Variants in MEIS2 observed in about 807,000 individuals in gnomAD.
MEIS2 encodes the protein Meis homeobox 2.
Under a neutral mutation model 58.6 loss-of-function variants are expected in MEIS2, and 9 were observed. That is an observed-to-expected ratio of 0.15 (90% CI 0.09 to 0.27). The LOEUF is 0.27. Among genes scored for constraint, MEIS2 ranks in the 10% least tolerant of loss-of-function variants. The probability of loss-of-function intolerance (pLI) is 1.00; values close to 1 mark genes in which losing one functional copy is unlikely to be tolerated. For missense variants in MEIS2, 427 were observed against 635.0 expected (o/e 0.67, Z 3.52); for synonymous variants, 221 against 228.4 (o/e 0.97, Z 0.29).
At chr15:37,070,469 T>C (rs145577251) in intron 7 of MEIS2, among the ~76,000 whole-genome samples, 321 of 152,174 alleles carry the variant, frequency 2.1e-3, no homozygotes, top group Non-Finnish European at 3.6e-3. Context: ...GTTAAATGAG[T>C]CTGGAAAGCT....
intron 8 of MEIS2, among the ~76,000 whole-genome samples, chr15:36,954,437 A>T: frequency 6.7e-6 from 1 of 148,198 alleles, no homozygotes; most frequent in African/African-American, 2.4e-5. Flanking sequence ...TATCAATTTT[A>T]AAATTATAAT....
chr15:36,987,905 C>T (rs1357983439), intron 8 of MEIS2, among the ~76,000 whole-genome samples: 1 of 151,946 alleles, frequency 6.6e-6, no homozygotes, highest in Non-Finnish European at 1.5e-5. Flanking sequence ...CAGATCTATA[C>T]AAAATTTTGG....
At chr15:37,094,030 C>T in intron 5 of MEIS2, 1 of 365,584 alleles carries the variant, frequency 2.7e-6, no homozygotes, top group Non-Finnish European at 5.0e-6. Flanking sequence ...GGAATTAAAT[C>T]TGATTTGATA....
rs529993586 is a variant in MEIS2, at chr15:37,100,362, G to C, written c.-896C>G. ...AGTGAGTGTCAGTAGGTGTTGGCAG[G>C]TTGGCTGCTGCCTGGCTTATTGAAG... On this transcript the variant is annotated 5_prime_UTR_variant, in exon 1 of 12. Coordinates refer to ENST00000561208, the MANE Select transcript of MEIS2 (RefSeq NM_170675.5). 2.6e-3 allele frequency: 391 copies of C among 152,714 alleles called. No individual in the cohort carries two copies. Among genetic ancestry groups the C allele is most frequent in the Non-Finnish European group, 4.2e-3 (283 of 68,158 alleles). 9.5% of individuals were successfully genotyped at this position (152,714 alleles called of 1,614,324 possible). A position where few individuals can be genotyped will look rare whatever the true frequency, so the allele number is the denominator to read the frequency against.
At chr15:37,003,340 A>AAAC (rs35132063) in intron 8 of MEIS2, among the ~76,000 whole-genome samples, 59,789 of 151,302 alleles carry the variant, frequency 0.4, 12,857 homozygotes, top group South Asian at 0.59. Flanking sequence ...CTTCCAGGGT[A>AAAC]AACAACAACA....
chr15:37,093,312 C>T (rs778334855), intron 6 of MEIS2, among the ~76,000 whole-genome samples: 2 of 152,136 alleles, frequency 1.3e-5, no homozygotes, highest in Non-Finnish European at 2.9e-5. Flanking sequence ...ACCCAAGTCA[C>T]CAAATCCAGA....
At chr15:37,071,852 T>A (rs1037262630) in intron 7 of MEIS2, among the ~76,000 whole-genome samples, 1 of 152,064 alleles carries the variant, frequency 6.6e-6, no homozygotes, top group South Asian at 2.1e-4. Flanking sequence ...TCACCCAACA[T>A]GCATCAAGCG....
intron 9 of MEIS2, among the ~76,000 whole-genome samples, chr15:36,910,878 C>T (rs2056980913): frequency 6.6e-6 from 1 of 152,048 alleles, no homozygotes; most frequent in Non-Finnish European, 1.5e-5. Context: ...AACCCTGTCT[C>T]TACTAAAAAT....
rs190753944 is a variant in MEIS2 at position 36,964,850 on chromosome 15, A to T, written c.901-14450T>A. On this transcript the variant is annotated intron_variant, in intron 8 of 11. Transcript: ENST00000561208. ...GGAGCTCTGGGAAATTTTTTGGAAA[A>T]TACTGGCAGAAATAGGTTGGAAGGA... Among the ~76,000 whole-genome samples the T allele has an allele frequency of 3.9e-5, 6 of 152,308 alleles. No individual in the cohort carries two copies. In the East Asian group the frequency reaches 1.2e-3, roughly 29 times the overall value.
chr15:37,056,398 A>T (rs1032670394), intron 7 of MEIS2, among the ~76,000 whole-genome samples: 3 of 152,240 alleles, frequency 2.0e-5, no homozygotes, highest in Non-Finnish European at 4.4e-5. Flanking sequence ...CAAAATGAGC[A>T]TAATTTAAGA....
chr15:37,085,248 T>A (rs1358165130), intron 6 of MEIS2, among the ~76,000 whole-genome samples: 2 of 151,972 alleles, frequency 1.3e-5, no homozygotes, highest in African/African-American at 4.8e-5. Context: ...AAATAAGAAT[T>A]CAGACAGAGC....
At chr15:37,095,377 G>A (rs1306050135) in intron 4 of MEIS2, among the ~76,000 whole-genome samples, 187 bp downstream of exon 4, 2 of 152,154 alleles carry the variant, frequency 1.3e-5, no homozygotes, top group Non-Finnish European at 2.9e-5. Context: ...GCTCCCCACC[G>A]CGTTCATCCT....
At position 36,892,435 on chromosome 15, in the gene MEIS2, T is replaced by C. The variant is rs1339277809; in HGVS notation, c.1172A>G (p.Tyr391Cys). The change falls in exon 12 of 12, where the codon TAC (tyrosine) becomes TGC (cysteine). Residue 391 changes from tyrosine (Y) to cysteine (C), a missense_variant. Tyr to Cys is a radical substitution (Grantham distance 194). Coordinates refer to ENST00000561208, the MANE Select transcript of MEIS2 (RefSeq NM_170675.5). ...TCCCATAGGACCACCCTGAGAAACGTAGTCCCCTGGCATGCTCTGCAAACC... is the reference window on the plus strand; with the variant it reads ...TCCCATAGGACCACCCTGAGAAACGCAGTCCCCTGGCATGCTCTGCAAACC... ...PAGLQSMPGDYVSQGGPMGMS... is the reference protein window; with the variant it reads ...PAGLQSMPGDCVSQGGPMGMS... 1.2e-6 allele frequency: 2 copies of C among 1,612,602 alleles called. No individual in the cohort carries two copies. Among genetic ancestry groups the C allele is most frequent in the African/African-American group, 1.3e-5 (1 of 74,364 alleles).
chr15:36,914,632 G>A (rs1178832881), intron 9 of MEIS2, among the ~76,000 whole-genome samples: 4 of 152,204 alleles, frequency 2.6e-5, no homozygotes, highest in African/African-American at 9.7e-5. Flanking sequence ...AAGTGGAGCC[G>A]AGAGGGTGTG....
At chr15:36,914,442 AAG>A (rs1249735625) in intron 9 of MEIS2, among the ~76,000 whole-genome samples, 2 of 152,246 alleles carry the variant, frequency 1.3e-5, no homozygotes, top group Admixed American at 1.3e-4. Flanking sequence ...TGAGGTCTAG[AAG>A]AGAGTTGGGT....
intron 7 of MEIS2, among the ~76,000 whole-genome samples, chr15:37,043,006 G>A (rs1258179625): frequency 1.3e-5 from 2 of 152,234 alleles, no homozygotes; most frequent in Non-Finnish European, 1.5e-5. Context: ...ATCCTTTAAA[G>A]TCACTTTTTA....
At chr15:36,913,046 T>C (rs989678770) in intron 9 of MEIS2, among the ~76,000 whole-genome samples, 4 of 152,148 alleles carry the variant, frequency 2.6e-5, no homozygotes, top group Non-Finnish European at 4.4e-5. Flanking sequence ...TTATACCATA[T>C]ATGGACATAC....
At chr15:36,933,096 G>C (rs143047468) in intron 9 of MEIS2, among the ~76,000 whole-genome samples, 11 of 152,264 alleles carry the variant, frequency 7.2e-5, no homozygotes, top group African/African-American at 2.6e-4. Flanking sequence ...TCTGATCTGA[G>C]AGGGGCGGGA....
At chr15:37,083,693 A>C in intron 7 of MEIS2, 78 bp downstream of exon 7, 1 of 1,154,114 alleles carries the variant, frequency 8.7e-7, no homozygotes, top group Non-Finnish European at 1.3e-6. Context: ...ACATGGCGGC[A>C]GATGTACTGA....
Sources: gnomAD v4.1 joint callset for allele counts (sites outside exome capture counted in the v4.1 genomes callset) on GRCh38, gnomAD v4.1.1 for gene constraint, MANE v1.5 for transcripts, NCBI Gene and HGNC (gene_info 2026-07-23, HGNC 2026-07-21) for gene names.